Variants in AP2A2 observed in about 807,000 individuals in gnomAD.
AP2A2 encodes the protein adaptor related protein complex 2 subunit alpha 2.
A neutral mutation model predicts 104.2 loss-of-function variants in AP2A2; 32 were observed. The ratio of observed to expected loss-of-function variants is 0.31; its 90% confidence interval spans 0.23 to 0.41. The LOEUF (loss-of-function observed/expected upper bound fraction) is 0.41. Ranked by LOEUF, AP2A2 falls within the 10% of genes least tolerant of loss-of-function variation. AP2A2 has a pLI of 1.00. For missense variants in AP2A2, 912 were observed against 1,261.0 expected, an observed-to-expected ratio of 0.72 and a Z score of 4.19; for synonymous variants, 539 against 533.3, an observed-to-expected ratio of 1.01 and a Z score of -0.15.
At chr11:985,698 G>T (rs959229738) in intron 8 of AP2A2, 116 bp downstream of exon 8, 14 of 1,424,444 alleles carry the variant, frequency 9.8e-6, no homozygotes, top group Non-Finnish European at 1.2e-5. Context: ...CCTCCCCTTC[G>T]TCCTGCCTCT....
At chr11:981,070 G>A in intron 5 of AP2A2, 128 bp from the exon 6 acceptor site, 1 of 670,508 alleles carries the variant, frequency 1.5e-6, no homozygotes, top group Non-Finnish European at 2.5e-6. Context: ...CTCGGAGTAG[G>A]CCTGAGGCCG....
At chr11:935,597 C>T (rs939929583) in intron 1 of AP2A2, among the ~76,000 whole-genome samples, 6 of 80,228 alleles carry the variant, frequency 7.5e-5, no homozygotes, top group East Asian at 7.4e-4. Context: ...CCACTGTGCC[C>T]GGCCAGTTTT....
chr11:965,862 A>G (rs970237606), intron 2 of AP2A2, among the ~76,000 whole-genome samples: 3 of 152,156 alleles, frequency 2.0e-5, no homozygotes, highest in South Asian at 2.1e-4. Flanking sequence ...TTTTAAAGAG[A>G]CAGGGTCTTG....
chr11:1,007,985 C>T (rs747956371), intron 17 of AP2A2, 27 bp from the exon 18 acceptor site: 14 of 1,552,402 alleles, frequency 9.0e-6, no homozygotes, highest in Non-Finnish European at 2.6e-6. Context: ...CTGGGACTTG[C>T]TCAGCTGGAT....
chr11:961,925 G>A (rs1001368197), intron 2 of AP2A2, among the ~76,000 whole-genome samples: 4 of 146,532 alleles, frequency 2.7e-5, no homozygotes, highest in African/African-American at 7.6e-5. Flanking sequence ...CAGAGTCGCC[G>A]CCACCAGTGA....
intron 2 of AP2A2, among the ~76,000 whole-genome samples, chr11:967,368 T>G (rs1854653419): frequency 6.6e-6 from 1 of 152,028 alleles, no homozygotes; most frequent in African/African-American, 2.4e-5. Flanking sequence ...TTTTATTTTA[T>G]TTTATTTTTT....
At position 993,756 on chromosome 11, in the gene AP2A2, C is replaced by G. The variant is rs1268454194; in HGVS notation, c.1553C>G (p.Pro518Arg). ...GTGTTGTGCCTCCCCGTCCCCAGCC[C>G]GCTGATCCAGTTCCACCTGCTGCAC... ...NLIAGDPRSS[P>R]LIQFHLLHSK... The change falls in exon 13 of 22, where the codon CCG (proline) becomes CGG (arginine). Residue 518 changes from proline to arginine, a missense_variant and splice_region_variant. By Grantham distance (103) the Pro-to-Arg change is moderately radical. Around this residue, in one of 7 missense-constraint regions of AP2A2, gnomAD observed 137 missense variants for 186.9 expected, o/e 0.73. Coordinates refer to ENST00000448903, the MANE Select transcript of AP2A2 (RefSeq NM_012305.4). The surrounding 1 kb of genome is among the most constrained non-coding windows in gnomAD (Gnocchi z 8.2). 1 of 1,589,138 alleles carries G rather than the reference C, an allele frequency of 6.3e-7. No individual in the cohort carries two copies.
intron 15 of AP2A2, among the ~76,000 whole-genome samples, chr11:1,002,242 G>A (rs752986517): frequency 6.0e-4 from 92 of 152,362 alleles, no homozygotes; most frequent in Non-Finnish European, 1.0e-3. Flanking sequence ...GGCCCCTCGC[G>A]TGGAGTGCCC....
chr11:1,007,681 T>A (rs1856256703), intron 17 of AP2A2: 2 of 390,968 alleles, frequency 5.1e-6, no homozygotes, highest in African/African-American at 2.1e-5. Flanking sequence ...TTTCCTGCCC[T>A]ACTAAGCACC....
chr11:957,265 A>G (rs1387685849), intron 1 of AP2A2, among the ~76,000 whole-genome samples: 1 of 152,224 alleles, frequency 6.6e-6, no homozygotes, highest in Non-Finnish European at 1.5e-5. Context: ...CCATGTGTTC[A>G]GTTATCTGGA....
chr11:937,187 T>G (rs900915424), intron 1 of AP2A2, among the ~76,000 whole-genome samples: 1 of 151,996 alleles, frequency 6.6e-6, no homozygotes, highest in South Asian at 2.1e-4. Context: ...GCCTGCCTAA[T>G]TTTTGGATCT....
At chr11:973,887 G>C (rs1307250350) in intron 4 of AP2A2, among the ~76,000 whole-genome samples, 2 of 152,212 alleles carry the variant, frequency 1.3e-5, no homozygotes, top group Non-Finnish European at 2.9e-5. Flanking sequence ...TACAAACCTA[G>C]CATCTTGAAC....
chr11:931,934 G>A (rs1217902551), intron 1 of AP2A2, among the ~76,000 whole-genome samples: 2 of 151,622 alleles, frequency 1.3e-5, no homozygotes, highest in African/African-American at 4.9e-5. Context: ...CTCCTGAGTA[G>A]CTGGGGCTCC....
chr11:987,929 G>A (rs1855518485), intron 9 of AP2A2, among the ~76,000 whole-genome samples: 1 of 152,286 alleles, frequency 6.6e-6, no homozygotes, highest in African/African-American at 2.4e-5. Flanking sequence ...TGGTGTGCAA[G>A]GGGCTCGTGG....
At chr11:962,732 CA>C (rs879698220) in intron 2 of AP2A2, among the ~76,000 whole-genome samples, 41 of 145,982 alleles carry the variant, frequency 2.8e-4, no homozygotes, top group South Asian at 6.6e-4. Context: ...GACTCTGTCT[CA>C]AAAAAAAAAA....
At chr11:938,688 A>G (rs11246347) in intron 1 of AP2A2, among the ~76,000 whole-genome samples, 2 of 151,896 alleles carry the variant, frequency 1.3e-5, no homozygotes, top group East Asian at 3.9e-4. Flanking sequence ...GTTAACCAGG[A>G]TGGTCTCCAT....
chr11:961,464 C>T (rs1441717520), intron 2 of AP2A2, among the ~76,000 whole-genome samples: 6 of 147,828 alleles, frequency 4.1e-5, no homozygotes, highest in Admixed American at 1.3e-4. Context: ...ACAGAGTCGC[C>T]ACCACCAGTG....
intron 15 of AP2A2, 123 bp downstream of exon 15, chr11:1,000,721 G>A: frequency 8.9e-7 from 1 of 1,122,156 alleles, no homozygotes; most frequent in Non-Finnish European, 1.2e-6. Context: ...TTACTGCCTG[G>A]GGGAGAGAGC....
intron 14 of AP2A2, chr11:996,374 C>T (rs1256983172): frequency 6.6e-6 from 1 of 152,316 alleles, no homozygotes; most frequent in Non-Finnish European, 1.5e-5. Context: ...GGTGCTCTCG[C>T]TCCCCTCCAG....
Sources: gnomAD v4.1 joint callset for allele counts (sites outside exome capture counted in the v4.1 genomes callset) on GRCh38, gnomAD v4.1.1 for gene constraint, gnomAD v4.1.1 regional missense constraint, Gnocchi (gnomAD v3.1) non-coding constraint, MANE v1.5 for transcripts, NCBI Gene and HGNC (gene_info 2026-07-23, HGNC 2026-07-21) for gene names.